The following HS3ST3A1 variants were observed in gnomAD, a reference collection of about 807,000 sequenced individuals.
The protein encoded by HS3ST3A1 is heparan sulfate-glucosamine 3-sulfotransferase 3A1.
HS3ST3A1 carries 19 observed loss-of-function variants against 25.7 expected under a neutral mutation model. The ratio of observed to expected loss-of-function variants is 0.74; its 90% CI spans 0.52 to 1.08. The LOEUF (loss-of-function observed/expected upper bound fraction) is 1.08. Among genes scored for constraint, HS3ST3A1 ranks in the 50% least tolerant of loss-of-function variants. The pLI is 0.00. For missense variants in HS3ST3A1, 459 were observed against 594.3 expected, an observed-to-expected ratio of 0.77 and a Z score of 2.37; for synonymous variants, 226 against 278.6, an observed-to-expected ratio of 0.81 and a Z score of 1.88.
chr17:13,591,965 G>A (rs747679933), intron 1 of HS3ST3A1, among the ~76,000 whole-genome samples: 2 of 152,110 alleles, frequency 1.3e-5, no homozygotes, highest in South Asian at 2.1e-4. Context: ...TGGCCCTAAC[G>A]TGCTGCCCAA....
intron 1 of HS3ST3A1, among the ~76,000 whole-genome samples, chr17:13,566,425 G>T (rs1219474153): frequency 2.0e-5 from 3 of 152,070 alleles, no homozygotes; most frequent in African/African-American, 7.2e-5. Context: ...CAACAATATT[G>T]AAATTAGGTC....
chr17:13,577,875 T>C (rs905904276), intron 1 of HS3ST3A1, among the ~76,000 whole-genome samples: 4 of 152,108 alleles, frequency 2.6e-5, no homozygotes, highest in Admixed American at 6.5e-5. Context: ...CTGGTGTGTG[T>C]GTGTGTGTGT....
In HS3ST3A1 at chr17:13,601,709, C is replaced by T. The variant is rs933437603; in HGVS notation, c.-580G>A. The T allele has an allele frequency of 5.2e-5, 8 of 152,762 alleles. No homozygotes were observed. Among genetic ancestry groups the T allele is most frequent in the Non-Finnish European group, 1.0e-4 (7 of 68,510 alleles). 9.5% of individuals were successfully genotyped at this position (152,762 alleles called of 1,614,324 possible). On this transcript the variant is annotated 5_prime_UTR_variant, in exon 1 of 2. Coordinates refer to ENST00000284110, the MANE Select transcript of HS3ST3A1 (RefSeq NM_006042.3). ...CCGCCCGAGTTCAGGTTCTCTCAGC[C>T]AAGGAGCGAGGTCCCCCCGAGTCCC...
At chr17:13,520,190 T>A (rs1906186681) in intron 1 of HS3ST3A1, among the ~76,000 whole-genome samples, 1 of 152,226 alleles carries the variant, frequency 6.6e-6, no homozygotes, top group Non-Finnish European at 1.5e-5. Context: ...AGAATGGATA[T>A]GTTATTGCTA....
At chr17:13,579,632 C>T (rs1908046635) in intron 1 of HS3ST3A1, among the ~76,000 whole-genome samples, 1 of 127,746 alleles carries the variant, frequency 7.8e-6, no homozygotes, top group African/African-American at 3.0e-5. Flanking sequence ...ACTTGGGAGG[C>T]GGAGGTTGCA....
intron 1 of HS3ST3A1, among the ~76,000 whole-genome samples, chr17:13,546,652 C>T (rs1454177587): frequency 1.3e-5 from 2 of 152,216 alleles, no homozygotes; most frequent in Non-Finnish European, 2.9e-5. Flanking sequence ...CTTTCAGCCT[C>T]TCTCTTTAAC....
intron 1 of HS3ST3A1, among the ~76,000 whole-genome samples, chr17:13,539,252 TGA>T (rs763384099): frequency 2.9e-4 from 44 of 152,218 alleles, no homozygotes; most frequent in Non-Finnish European, 5.0e-4. Flanking sequence ...TTCTAGTAGC[TGA>T]TGCAAATCCC....
chr17:13,535,112 G>T (rs1906731522), intron 1 of HS3ST3A1, among the ~76,000 whole-genome samples: 2 of 152,178 alleles, frequency 1.3e-5, no homozygotes, highest in Non-Finnish European at 1.5e-5. Context: ...CATAGGGCTA[G>T]GTTCCTATGA....
intron 1 of HS3ST3A1, among the ~76,000 whole-genome samples, chr17:13,526,351 A>G (rs1219769140): frequency 2.0e-5 from 3 of 150,766 alleles, no homozygotes; most frequent in African/African-American, 7.3e-5. Flanking sequence ...TTTTTCCGTT[A>G]CTGACAGTGC....
chr17:13,534,657 A>T (rs1216835779), intron 1 of HS3ST3A1, among the ~76,000 whole-genome samples: 1 of 149,450 alleles, frequency 6.7e-6, no homozygotes, highest in Non-Finnish European at 1.5e-5. Flanking sequence ...CAGCCCAGGG[A>T]GATCAAGGCT....
At chr17:13,549,618 T>C (rs900123729) in intron 1 of HS3ST3A1, among the ~76,000 whole-genome samples, 1 of 152,176 alleles carries the variant, frequency 6.6e-6, no homozygotes, top group Non-Finnish European at 1.5e-5. Context: ...CCACTCATCC[T>C]CTTCTGATGG....
At chr17:13,599,470 T>C (rs1908661237) in intron 1 of HS3ST3A1, among the ~76,000 whole-genome samples, 1 of 152,198 alleles carries the variant, frequency 6.6e-6, no homozygotes, top group South Asian at 2.1e-4. Context: ...TAAATTATGT[T>C]GTAATTTTTG....
chr17:13,565,936 T>C (rs147423651), intron 1 of HS3ST3A1, among the ~76,000 whole-genome samples: 121 of 152,328 alleles, frequency 7.9e-4, no homozygotes, highest in African/African-American at 2.8e-3. Flanking sequence ...AGTTCCATCT[T>C]TTTATCTCTT....
chr17:13,557,145 C>T (rs191413919), intron 1 of HS3ST3A1, among the ~76,000 whole-genome samples: 13 of 152,294 alleles, frequency 8.5e-5, no homozygotes, highest in East Asian at 5.8e-4. Flanking sequence ...AAAATGAGCA[C>T]GGGTCGGACG....
intron 1 of HS3ST3A1, among the ~76,000 whole-genome samples, chr17:13,557,205 T>C (rs1288974688): frequency 6.6e-6 from 1 of 152,188 alleles, no homozygotes; most frequent in African/African-American, 2.4e-5. Context: ...CCGCCTCTTT[T>C]CCCCTCTTCA....
At chr17:13,526,102 G>A (rs8075792) in intron 1 of HS3ST3A1, among the ~76,000 whole-genome samples, 28,662 of 151,514 alleles carry the variant, frequency 0.19, 2,762 homozygotes, top group East Asian at 0.27. Context: ...GGCCCTTGGC[G>A]TCTCCACAGG....
intron 1 of HS3ST3A1, among the ~76,000 whole-genome samples, chr17:13,531,984 A>G (rs1427160286): frequency 6.6e-6 from 1 of 152,156 alleles, no homozygotes; most frequent in Non-Finnish European, 1.5e-5. Context: ...GAGAGAGGGG[A>G]CAGGGAATCA....
At chr17:13,519,661 A>G (rs925847439) in intron 1 of HS3ST3A1, among the ~76,000 whole-genome samples, 1 of 152,186 alleles carries the variant, frequency 6.6e-6, no homozygotes, top group Non-Finnish European at 1.5e-5. Context: ...GGCCTTTCAG[A>G]TTATTAAAAG....
intron 1 of HS3ST3A1, among the ~76,000 whole-genome samples, chr17:13,516,551 A>G (rs950016101): frequency 1.3e-5 from 2 of 152,230 alleles, no homozygotes; most frequent in Non-Finnish European, 2.9e-5. Context: ...GACCCAAGTC[A>G]TGAAGCCTTA....
Sources: allele counts gnomAD v4.1 joint callset (sites outside exome capture counted in the v4.1 genomes callset), GRCh38; gene constraint gnomAD v4.1.1; transcripts MANE v1.5; gene names NCBI Gene and HGNC (gene_info 2026-07-23, HGNC 2026-07-21).